PPARA: variants seen among roughly 807,000 people sequenced by gnomAD.
PPARA encodes peroxisome proliferator-activated receptor alpha.
In PPARA, 22 loss-of-function variants were observed where a neutral mutation model predicts 42.2. That is an observed-to-expected ratio of 0.52 (90% CI 0.37 to 0.74). PPARA has a LOEUF of 0.74. PPARA is among the 30% of genes least tolerant of loss of function. PPARA has a pLI of 0.00. For missense variants in PPARA, 465 were observed against 608.2 expected, an observed-to-expected ratio of 0.76 and a Z score of 2.48; for synonymous variants, 242 against 239.3, an observed-to-expected ratio of 1.01 and a Z score of -0.10.
At chr22:46,168,947 G>A (rs948895669) in intron 2 of PPARA, among the ~76,000 whole-genome samples, 2 of 151,884 alleles carry the variant, frequency 1.3e-5, no homozygotes, top group Non-Finnish European at 2.9e-5. Context: ...TATACTGTCT[G>A]CTTCCAAGGC....
rs1933071874 is a variant in PPARA at position 46,204,866 on chromosome 22, G to C, written c.208+6275G>C. ...AAAAAAAAAGAAAAAAGATTGTTTT[G>C]TTTGTTTTGTTTTGTTTTTGAGATA... On this transcript the variant is annotated intron_variant, in intron 4 of 8. Coordinates refer to ENST00000407236, the MANE Select transcript of PPARA (RefSeq NM_005036.6). The surrounding 1 kb of genome is among the most constrained non-coding windows in gnomAD (Gnocchi z 5.2). Among the ~76,000 whole-genome samples the C allele has an allele frequency of 1.3e-5, 2 of 151,304 alleles. No homozygotes were observed. Among genetic ancestry groups the C allele is most frequent in the Admixed American group, 1.3e-4 (2 of 15,144 alleles).
rs1297445217 is a variant in PPARA at position 46,225,785 on chromosome 22, A to C, written c.711+5771A>C. Among the ~76,000 whole-genome samples, 4 of 151,044 alleles carry C rather than the reference A, an allele frequency of 2.6e-5. No homozygotes were observed. The highest frequency in any genetic ancestry group is 4.9e-5 in the African/African-American group (2 of 41,042). ...TCCATGCATGCACGTGTAAACACAC[A>C]CACCCCCACACATACACGTGCACCC... On this transcript the variant is annotated intron_variant, in intron 7 of 8. Coordinates refer to ENST00000407236, the MANE Select transcript of PPARA (RefSeq NM_005036.6). This position sits in a 1 kb window ranked among gnomAD's most constrained non-coding sequence, Gnocchi z 4.1.
chr22:46,180,157 A>G lies in PPARA; in HGVS notation c.-43+3321A>G, dbSNP rs1180121003. ...CTCATCTTTGCTGACAGGAAGGTAA[A>G]ATGATACAAACACATTGAAAAACAG... On this transcript the variant is annotated intron_variant, in intron 3 of 8. Coordinates refer to ENST00000407236, the MANE Select transcript of PPARA (RefSeq NM_005036.6). The surrounding 1 kb of genome is among the most constrained non-coding windows in gnomAD (Gnocchi z 4.2). Among the ~76,000 whole-genome samples, 1 of 152,000 alleles carries G rather than the reference A, an allele frequency of 6.6e-6. No homozygotes were observed. Among genetic ancestry groups the G allele is most frequent in the Non-Finnish European group, 1.5e-5 (1 of 68,008 alleles).
Position 46,193,239 on chromosome 22 carries a change from G to A in PPARA, c.-42-5103G>A. ...GCGCCACCACACCTGGCTAATGTTT[G>A]TATTTTTAGTAGGGACCGGGTTTCA... is the stretch of plus-strand genomic sequence containing the variant. On this transcript the variant is annotated intron_variant, in intron 3 of 8. Coordinates refer to ENST00000407236, the MANE Select transcript of PPARA (RefSeq NM_005036.6). The surrounding 1 kb of genome is among the most constrained non-coding windows in gnomAD (Gnocchi z 5.3). 6.6e-6 allele frequency among the ~76,000 whole-genome samples: 1 copy of A among 152,094 alleles called. No homozygotes were observed. The highest frequency in any genetic ancestry group is 1.9e-4 in the East Asian group (1 of 5,192).
intron 2 of PPARA, among the ~76,000 whole-genome samples, chr22:46,159,148 A>AC (rs1925768214): frequency 6.6e-6 from 1 of 151,828 alleles, no homozygotes; most frequent in African/African-American, 2.4e-5. Context: ...CGCCTCAGCC[A>AC]CCCTAAGTAC....
intron 4 of PPARA, among the ~76,000 whole-genome samples, chr22:46,206,125 C>T (rs4253714): frequency 0.022 from 3,367 of 151,958 alleles, 111 homozygotes; most frequent in African/African-American, 0.077. Context: ...TTTTTTGAGA[C>T]GGAGTCTCTC....
chr22:46,201,681 CGTT>C (rs938513392), intron 4 of PPARA, among the ~76,000 whole-genome samples: 3 of 152,032 alleles, frequency 2.0e-5, no homozygotes, highest in African/African-American at 7.2e-5. Flanking sequence ...CTTGTGAGGT[CGTT>C]GTTATGTTTA....
intron 3 of PPARA, among the ~76,000 whole-genome samples, chr22:46,189,734 T>C (rs1434908719): frequency 6.6e-6 from 1 of 150,638 alleles, no homozygotes; most frequent in Non-Finnish European, 1.5e-5. Flanking sequence ...TGAGACAGAG[T>C]CTTGCTCTGT....
chr22:46,224,581 A>G lies in PPARA; in HGVS notation c.711+4567A>G, dbSNP rs1282650777. On this transcript the variant is annotated intron_variant, in intron 7 of 8. Coordinates refer to ENST00000407236, the MANE Select transcript of PPARA (RefSeq NM_005036.6). The surrounding 1 kb of genome is among the most constrained non-coding windows in gnomAD (Gnocchi z 5.7). ...TCACAGCCCCAGCCACGCCCCACAGAGCCTCAGGAAGGCACACTGACCTCA... is the reference window on the plus strand; with the variant it reads ...TCACAGCCCCAGCCACGCCCCACAGGGCCTCAGGAAGGCACACTGACCTCA... Among the ~76,000 whole-genome samples, 4 of 152,172 alleles carry G rather than the reference A, an allele frequency of 2.6e-5. No homozygotes were observed. The highest frequency in any genetic ancestry group is 2.0e-4 in the Admixed American group (3 of 15,270).
In PPARA at chr22:46,235,945, G is replaced by A. The variant is rs1936179602; in HGVS notation, c.*565G>A. ...CATGCTGCTTTTTAATCATAGGATG[G>A]AGAATTTTAAAGAACTGTTTGGGCC... On this transcript the variant is annotated 3_prime_UTR_variant, in exon 9 of 9. Coordinates refer to ENST00000407236, the MANE Select transcript of PPARA (RefSeq NM_005036.6). This position sits in a 1 kb window ranked among gnomAD's most constrained non-coding sequence, Gnocchi z 7.0. 6.1e-6 allele frequency: 1 copy of A among 164,108 alleles called. No homozygotes were observed. Among genetic ancestry groups the A allele is most frequent in the African/African-American group, 2.4e-5 (1 of 41,534 alleles). 10.2% of individuals were successfully genotyped at this position (164,108 alleles called of 1,614,324 possible).
rs1925393703 is a variant in PPARA at position 46,156,956 on chromosome 22, G to C, written c.-127+4986G>C. 2.0e-5 allele frequency among the ~76,000 whole-genome samples: 3 copies of C among 152,180 alleles called. No individual in the cohort carries two copies. The highest frequency in any genetic ancestry group is 4.8e-5 in the African/African-American group (2 of 41,452). ...TCAGGTTTTGGCAGGGCTATACCTT[G>C]TGTTTGCTCTTACTCCAACTCCATG... is the stretch of plus-strand genomic sequence containing the variant. On this transcript the variant is annotated intron_variant, in intron 2 of 8. Transcript: ENST00000407236. This position sits in a 1 kb window ranked among gnomAD's most constrained non-coding sequence, Gnocchi z 5.2.
At chr22:46,226,231 A>G (rs4253759) in intron 7 of PPARA, among the ~76,000 whole-genome samples, 4,440 of 152,228 alleles carry the variant, frequency 0.029, 217 homozygotes, top group African/African-American at 0.1. Flanking sequence ...ACACACGTGC[A>G]CACACATGCT....
chr22:46,219,936 C>T lies in PPARA; in HGVS notation c.633C>T (p.Tyr211=), dbSNP rs758133944. 6.2e-6 allele frequency: 10 copies of T among 1,614,052 alleles called. No homozygotes were observed. The highest frequency in any genetic ancestry group is 4.5e-5 in the East Asian group (2 of 44,896). The change falls in exon 7 of 9, where the codon TAC becomes TAT. Residue 211 remains tyrosine, a synonymous_variant. Coordinates refer to ENST00000407236, the MANE Select transcript of PPARA (RefSeq NM_005036.6). The surrounding 1 kb of genome is among the most constrained non-coding windows in gnomAD (Gnocchi z 4.8). Reference sequence around the variant, plus strand: ...TCAAATCTCTGGCCAAGAGAATCTACGAGGCCTACTTGAAGAACTTCAACA... The same window carrying T: ...TCAAATCTCTGGCCAAGAGAATCTATGAGGCCTACTTGAAGAACTTCAACA... ...ADLKSLAKRI[Y]EAYLKNFNMN... is the part of the protein sequence containing the mutation.
At position 46,234,733 on chromosome 22, in the gene PPARA, G is replaced by C. The variant is rs1936106740; in HGVS notation, c.1160-400G>C. On this transcript the variant is annotated intron_variant, in intron 8 of 8. Transcript: ENST00000407236. The surrounding 1 kb of genome is among the most constrained non-coding windows in gnomAD (Gnocchi z 5.8). ...TGGAACACTTGAAGCTTGATATCTA[G>C]TTTGGATTCAAAAGCTTCATTTCCC... 6.6e-6 allele frequency among the ~76,000 whole-genome samples: 1 copy of C among 152,176 alleles called. No individual in the cohort carries two copies. Among genetic ancestry groups the C allele is most frequent in the South Asian group, 2.1e-4 (1 of 4,828 alleles).
intron 3 of PPARA, among the ~76,000 whole-genome samples, chr22:46,194,630 G>T (rs1931986363): frequency 2.0e-5 from 3 of 147,020 alleles, no homozygotes; most frequent in Non-Finnish European, 4.5e-5. Context: ...GGAGGGCAGT[G>T]GTGCAATCTC....
In PPARA at chr22:46,235,480, T is replaced by C; in HGVS notation, c.*100T>C. On this transcript the variant is annotated 3_prime_UTR_variant, in exon 9 of 9. Transcript: ENST00000407236. The surrounding 1 kb of genome is among the most constrained non-coding windows in gnomAD (Gnocchi z 7.0). ...ACGATTTTGCACAAATATCCACCAC[T>C]TTAACCTTAGAGCTTGGACAGTCTG... The C allele has an allele frequency of 6.8e-7, 1 of 1,477,664 alleles. No individual in the cohort carries two copies. Among genetic ancestry groups the C allele is most frequent in the Non-Finnish European group, 9.2e-7 (1 of 1,083,550 alleles). The allele number at this position is 1,477,664 out of a possible 1,614,324, so 91.5% of individuals were successfully genotyped here.
At position 46,234,149 on chromosome 22, in the gene PPARA, T is replaced by G. The variant is rs1601831210; in HGVS notation, c.1160-984T>G. ...ATAATTCCTCTCTTTAGAGACTTAATAGTTATAGCCCCAGCCACTCTGGAG... is the reference window on the plus strand; with the variant it reads ...ATAATTCCTCTCTTTAGAGACTTAAGAGTTATAGCCCCAGCCACTCTGGAG... On this transcript the variant is annotated intron_variant, in intron 8 of 8. Coordinates refer to ENST00000407236, the MANE Select transcript of PPARA (RefSeq NM_005036.6). The surrounding 1 kb of genome is among the most constrained non-coding windows in gnomAD (Gnocchi z 5.8). Among the ~76,000 whole-genome samples the G allele has an allele frequency of 6.6e-6, 1 of 152,138 alleles. No homozygotes were observed. Among genetic ancestry groups the G allele is most frequent in the East Asian group, 1.9e-4 (1 of 5,158 alleles).
Position 46,156,898 on chromosome 22 carries a change from G to T in PPARA, c.-127+4928G>T, listed in dbSNP as rs959024340. Among the ~76,000 whole-genome samples the T allele has an allele frequency of 1.3e-5, 2 of 152,128 alleles. No individual in the cohort carries two copies. Among genetic ancestry groups the T allele is most frequent in the Admixed American group, 6.6e-5 (1 of 15,258 alleles). On this transcript the variant is annotated intron_variant, in intron 2 of 8. Coordinates refer to ENST00000407236, the MANE Select transcript of PPARA (RefSeq NM_005036.6). This position sits in a 1 kb window ranked among gnomAD's most constrained non-coding sequence, Gnocchi z 5.2. ...ATTACAGGCGTGAGCCACCACACCCGGCCTCCTGTGTGTTTTGAAGGTGAT... is the reference window on the plus strand; with the variant it reads ...ATTACAGGCGTGAGCCACCACACCCTGCCTCCTGTGTGTTTTGAAGGTGAT...
chr22:46,178,628 G>C (rs1235982257), intron 3 of PPARA, among the ~76,000 whole-genome samples: 11 of 152,180 alleles, frequency 7.2e-5, no homozygotes, highest in Admixed American at 2.6e-4. Flanking sequence ...ATCTACCAAA[G>C]TACTTCTTGG....
Sources: allele counts gnomAD v4.1 joint callset (sites outside exome capture counted in the v4.1 genomes callset), GRCh38; gene constraint gnomAD v4.1.1; non-coding constraint Gnocchi (gnomAD v3.1); transcripts MANE v1.5; gene names NCBI Gene and HGNC (gene_info 2026-07-23, HGNC 2026-07-21).